The following PALLD variants were observed in gnomAD, a reference collection of about 807,000 sequenced individuals.
PALLD encodes palladin, cytoskeletal associated protein, also known as palladin.
PALLD carries 61 observed loss-of-function variants against 123.5 expected under a neutral mutation model. The observed-to-expected ratio is 0.49, with a 90% CI of 0.40 to 0.61. PALLD has a LOEUF of 0.61. Ranked by LOEUF, PALLD falls within the 20% of genes least tolerant of loss-of-function variation. The probability of loss-of-function intolerance (pLI) is 0.00; values close to 1 mark genes in which losing one functional copy is unlikely to be tolerated. For synonymous variants in PALLD, 465 were observed against 496.4 expected (o/e 0.94, Z 0.84); for missense variants, 1,273 against 1,377.0 (o/e 0.92, Z 1.20).
chr4:168,787,419 G>A (rs947793874), intron 10 of PALLD, among the ~76,000 whole-genome samples: 1 of 152,194 alleles, frequency 6.6e-6, no homozygotes, highest in African/African-American at 2.4e-5. Context: ...TTACAATTGA[G>A]CATTTTTTCT....
At chr4:168,573,811 C>A (rs1451247204) in intron 2 of PALLD, among the ~76,000 whole-genome samples, 2 of 152,096 alleles carry the variant, frequency 1.3e-5, no homozygotes, top group East Asian at 1.9e-4. Context: ...AAAACAGTAA[C>A]CCTGGTATTG....
chr4:168,684,037 A>T (rs1451752455), intron 5 of PALLD, among the ~76,000 whole-genome samples: 3 of 152,226 alleles, frequency 2.0e-5, no homozygotes, highest in Non-Finnish European at 4.4e-5. Flanking sequence ...AGTGGAATTT[A>T]TAGAAATATT....
intron 15 of PALLD, among the ~76,000 whole-genome samples, chr4:168,905,797 T>C (rs887963257): frequency 6.8e-6 from 1 of 147,272 alleles, no homozygotes; most frequent in African/African-American, 2.5e-5. Flanking sequence ...TTTCTTTTTT[T>C]TTTTTTTTTT....
chr4:168,610,336 C>T (rs1241323213), intron 2 of PALLD, among the ~76,000 whole-genome samples: 1 of 152,144 alleles, frequency 6.6e-6, no homozygotes, highest in Non-Finnish European at 1.5e-5. Flanking sequence ...CCATCGGTCC[C>T]CTTCCTAGAG....
intron 2 of PALLD, among the ~76,000 whole-genome samples, chr4:168,612,728 T>C (rs973516546): frequency 6.6e-6 from 1 of 152,154 alleles, no homozygotes; most frequent in Non-Finnish European, 1.5e-5. Flanking sequence ...TTTTTCCTGT[T>C]TTACTAGAAA....
chr4:168,747,126 A>G (rs1730429992), intron 10 of PALLD, among the ~76,000 whole-genome samples: 1 of 152,238 alleles, frequency 6.6e-6, no homozygotes, highest in South Asian at 2.1e-4. Context: ...GGTACACAAT[A>G]GGTACCTAAA....
intron 18 of PALLD, 95 bp from the exon 19 acceptor site, chr4:168,924,160 A>T (rs1044714740): frequency 9.3e-7 from 1 of 1,074,862 alleles, no homozygotes; most frequent in African/African-American, 1.6e-5. Context: ...GTATCATAAA[A>T]GATCTATTCA....
intron 2 of PALLD, among the ~76,000 whole-genome samples, chr4:168,614,614 A>G (rs1774042790): frequency 2.0e-5 from 3 of 152,222 alleles, no homozygotes; most frequent in African/African-American, 7.2e-5. Context: ...TTGCTTTTGC[A>G]TAGTGGACTC....
intron 10 of PALLD, among the ~76,000 whole-genome samples, chr4:168,880,841 G>GT (rs1313105591): frequency 1.3e-5 from 2 of 152,202 alleles, no homozygotes; most frequent in Admixed American, 1.3e-4. Context: ...AATTCATTAG[G>GT]TTTTTTTCAC....
intron 15 of PALLD, among the ~76,000 whole-genome samples, chr4:168,911,258 T>G (rs1470621718): frequency 2.0e-5 from 3 of 152,248 alleles, no homozygotes; most frequent in Non-Finnish European, 4.4e-5. Context: ...TGACTGTTTG[T>G]AACAACCCAT....
At chr4:168,895,092 A>G (rs993849053) in intron 12 of PALLD, among the ~76,000 whole-genome samples, 5 of 152,156 alleles carry the variant, frequency 3.3e-5, no homozygotes, top group African/African-American at 1.2e-4. Context: ...ACAGTTAAAA[A>G]CCCACATATG....
chr4:168,550,669 T>G (rs974781511), intron 2 of PALLD, among the ~76,000 whole-genome samples: 2 of 152,160 alleles, frequency 1.3e-5, no homozygotes, highest in South Asian at 2.1e-4. Flanking sequence ...TTTGGGAACT[T>G]TGCTAATCAA....
At chr4:168,553,721 GT>G (rs540310653) in intron 2 of PALLD, among the ~76,000 whole-genome samples, 1 of 151,978 alleles carries the variant, frequency 6.6e-6, no homozygotes, top group Admixed American at 6.6e-5. Context: ...GCCTTGCTTT[GT>G]TTTTTTGGAC....
At chr4:168,685,210 A>G (rs993447804) in intron 5 of PALLD, among the ~76,000 whole-genome samples, 1 of 152,206 alleles carries the variant, frequency 6.6e-6, no homozygotes, top group African/African-American at 2.4e-5. Context: ...ACAGAAATCC[A>G]TTTGGTAATA....
chr4:168,896,935 G>A lies in PALLD; in HGVS notation c.2250+336G>A, dbSNP rs543176849. 1.2e-3 allele frequency among the ~76,000 whole-genome samples: 186 copies of A among 152,206 alleles called. 1 individual carries two copies. The highest frequency in any genetic ancestry group is 3.5e-3 in the African/African-American group (147 of 41,534). On this transcript the variant is annotated intron_variant, in intron 13 of 21. Coordinates refer to ENST00000505667, the MANE Select transcript of PALLD (RefSeq NM_001166108.2). ...CAACCTCTGTCTCCTGGGTTCAAGC[G>A]ATTCTCCTGCCTCAGCCTCCCAAGT...
chr4:168,708,980 A>G, intron 8 of PALLD, 48 bp from the exon 9 acceptor site: 1 of 1,595,562 alleles, frequency 6.3e-7, no homozygotes, highest in Non-Finnish European at 8.6e-7. Flanking sequence ...CTTAAAAGTG[A>G]CTTCATGGTT....
intron 10 of PALLD, among the ~76,000 whole-genome samples, chr4:168,806,701 G>C (rs181016807): frequency 6.6e-6 from 1 of 152,318 alleles, no homozygotes; most frequent in East Asian, 1.9e-4. Flanking sequence ...GAGTAAAAAT[G>C]TAACGTAGAT....
rs181240229 is a variant in PALLD at position 168,698,080 on chromosome 4, A to G, written c.1501+6788A>G. Reference sequence around the variant, plus strand: ...CTATCATTTGCAACAACATGGATGGAACTGGAGCTCATTATGTTAAGTGAA... The same window carrying G: ...CTATCATTTGCAACAACATGGATGGGACTGGAGCTCATTATGTTAAGTGAA... On this transcript the variant is annotated intron_variant, in intron 8 of 21. Transcript: ENST00000505667. Among the ~76,000 whole-genome samples the G allele has an allele frequency of 1.8e-4, 27 of 152,336 alleles. No individual in the cohort carries two copies. The East Asian group carries it at 4.6e-3, about 26-fold the overall frequency.
intron 2 of PALLD, among the ~76,000 whole-genome samples, chr4:168,637,943 C>CAAAAAAAA (rs11416996): frequency 1.7e-5 from 1 of 60,440 alleles, no homozygotes; most frequent in African/African-American, 7.3e-5. Flanking sequence ...GAATACATCT[C>CAAAAAAAA]AAAAAAAAAA....
Sources: gnomAD v4.1 joint callset for allele counts (sites outside exome capture counted in the v4.1 genomes callset) on GRCh38, gnomAD v4.1.1 for gene constraint, MANE v1.5 for transcripts, NCBI Gene and HGNC (gene_info 2026-07-23, HGNC 2026-07-21) for gene names.